STYX: variants seen among roughly 807,000 people sequenced by gnomAD.
STYX encodes serine/threonine/tyrosine-interacting protein.
Under a neutral mutation model 42.7 loss-of-function variants are expected in STYX, and 20 were observed. The observed-to-expected ratio is 0.47, with a 90% CI of 0.33 to 0.68. The LOEUF is 0.68. Ranked by LOEUF, STYX falls within the 30% of genes least tolerant of loss-of-function variation. The probability of loss-of-function intolerance (pLI) is 0.02; values close to 1 mark genes in which losing one functional copy is unlikely to be tolerated. For missense variants in STYX, 226 were observed against 268.5 expected, an observed-to-expected ratio of 0.84 and a Z score of 1.11; for synonymous variants, 78 against 81.9, an observed-to-expected ratio of 0.95 and a Z score of 0.26.
rs1305387788 is a variant in STYX at position 52,772,816 on chromosome 14, C to G, written c.*1710C>G. The G allele has an allele frequency of 1.3e-5, 2 of 151,818 alleles. No individual in the cohort carries two copies. Among genetic ancestry groups the G allele is most frequent in the African/African-American group, 4.8e-5 (2 of 41,282 alleles). The allele number at this position is 151,818 out of a possible 1,614,324, so 9.4% of individuals were successfully genotyped here. On this transcript the variant is annotated 3_prime_UTR_variant, in exon 11 of 11. Coordinates refer to ENST00000354586, the MANE Select transcript of STYX (RefSeq NM_145251.4). ...CTTCTGATTTCCCTCCCCTTCCCTT[C>G]TCTTATCTTACCACTGTGAAAACAG...
chr14:52,764,009 T>A (rs957837106), intron 9 of STYX, among the ~76,000 whole-genome samples: 3 of 152,208 alleles, frequency 2.0e-5, no homozygotes, highest in African/African-American at 7.2e-5. Flanking sequence ...GTTGTTGTTG[T>A]TGAGACAGAG....
At chr14:52,760,920 C>A (rs909873805) in intron 9 of STYX, among the ~76,000 whole-genome samples, 1 of 152,104 alleles carries the variant, frequency 6.6e-6, no homozygotes, top group Non-Finnish European at 1.5e-5. Flanking sequence ...TCCCCTCAAT[C>A]ATTTATCCTT....
chr14:52,749,015 C>T (rs1194159309), intron 3 of STYX, among the ~76,000 whole-genome samples: 1 of 152,224 alleles, frequency 6.6e-6, no homozygotes, highest in East Asian at 1.9e-4. Flanking sequence ...ATTATATTGT[C>T]TTAGCCCAGG....
In STYX at chr14:52,772,926, G is replaced by A. The variant is rs976670094; in HGVS notation, c.*1820G>A. On this transcript the variant is annotated 3_prime_UTR_variant, in exon 11 of 11. Transcript: ENST00000354586. ...CAGTGGTCTAGTGGAGTCAAGATTC[G>A]CATTGGGTTTTCTAAAATTCCAGTT... 1.3e-5 allele frequency: 2 copies of A among 151,780 alleles called. No individual in the cohort carries two copies. The highest frequency in any genetic ancestry group is 6.6e-5 in the Admixed American group (1 of 15,206). The allele number at this position is 151,780 out of a possible 1,614,324, so 9.4% of individuals were successfully genotyped here.
At chr14:52,742,260 C>G (rs773045281) in intron 1 of STYX, among the ~76,000 whole-genome samples, 21 of 152,174 alleles carry the variant, frequency 1.4e-4, no homozygotes, top group Non-Finnish European at 2.6e-4. Flanking sequence ...GTTTTTCTTT[C>G]TTTCCCTAGT....
Position 52,757,321 on chromosome 14 carries a change from T to C in STYX, c.306T>C (p.Thr102=), listed in dbSNP as rs1235258281. Residue 102 remains threonine, a splice_region_variant and synonymous_variant, in exon 6 of 11, where the codon ACT becomes ACC. Coordinates refer to ENST00000354586, the MANE Select transcript of STYX (RefSeq NM_145251.4). Reference sequence around the variant, plus strand: ...ATCCACATGTCTTTTGCCTCCAGACTAAGGAATTTATTGATGGGAGCTTAC... The same window carrying C: ...ATCCACATGTCTTTTGCCTCCAGACCAAGGAATTTATTGATGGGAGCTTAC... ...VENIIRFFPM[T]KEFIDGSLQM... is the part of the protein sequence containing the mutation. 1.2e-6 allele frequency: 2 copies of C among 1,606,716 alleles called. No individual in the cohort carries two copies. The highest frequency in any genetic ancestry group is 1.7e-5 in the Admixed American group (1 of 59,674).
In STYX at chr14:52,747,252, A is replaced by G. The variant is rs140262860; in HGVS notation, c.144+773A>G. ...GTTCTTGCCACTTCTAAAAGATTCA[A>G]TGCTACTAATTCTCTTTGAGTTACA... On this transcript the variant is annotated intron_variant, in intron 3 of 10. Transcript: ENST00000354586. 4.3e-3 allele frequency among the ~76,000 whole-genome samples: 661 copies of G among 152,350 alleles called. 13 individuals are homozygous for G. Among genetic ancestry groups the G allele is most frequent in the Admixed American group, 0.032 (486 of 15,302 alleles).
At chr14:52,736,034 A>T (rs1272222142) in intron 1 of STYX, among the ~76,000 whole-genome samples, 1 of 151,804 alleles carries the variant, frequency 6.6e-6, no homozygotes, top group Non-Finnish European at 1.5e-5. Context: ...ATTATGAGCT[A>T]CTCTTCTTGC....
At chr14:52,749,005 A>G (rs752400713) in intron 3 of STYX, among the ~76,000 whole-genome samples, 16 of 152,256 alleles carry the variant, frequency 1.1e-4, no homozygotes, top group Non-Finnish European at 2.2e-4. Context: ...AAACTTGCAA[A>G]TTATATTGTC....
Position 52,771,514 on chromosome 14 carries a change from T to C in STYX, c.*408T>C, listed in dbSNP as rs1882511369. ...AGTTTGGGTAATTTATAACAAAATTTGCTAAGGTTTGCTAAAAATTCATTT... is the reference window on the plus strand; with the variant it reads ...AGTTTGGGTAATTTATAACAAAATTCGCTAAGGTTTGCTAAAAATTCATTT... On this transcript the variant is annotated 3_prime_UTR_variant, in exon 11 of 11. Transcript: ENST00000354586. 6.5e-6 allele frequency: 1 copy of C among 154,156 alleles called. No homozygotes were observed. Among genetic ancestry groups the C allele is most frequent in the Admixed American group, 6.5e-5 (1 of 15,316 alleles). The allele number at this position is 154,156 out of a possible 1,614,324, so 9.5% of individuals were successfully genotyped here.
chr14:52,739,726 C>T (rs182590176), intron 1 of STYX, among the ~76,000 whole-genome samples: 22 of 147,560 alleles, frequency 1.5e-4, no homozygotes, highest in African/African-American at 4.8e-4. Context: ...ACTGCAGCCT[C>T]GACCTCCCAA....
intron 4 of STYX, among the ~76,000 whole-genome samples, chr14:52,755,334 G>T (rs1881821246): frequency 6.6e-6 from 1 of 151,930 alleles, no homozygotes; most frequent in South Asian, 2.1e-4. Context: ...TGTTGGCCAG[G>T]ATGGTCTTGA....
At chr14:52,753,577 C>T (rs1317899624) in intron 4 of STYX, among the ~76,000 whole-genome samples, 1 of 152,096 alleles carries the variant, frequency 6.6e-6, no homozygotes, top group African/African-American at 2.4e-5. Flanking sequence ...TGCTCAAGTC[C>T]CTTATATAAA....
At position 52,768,849 on chromosome 14, in the gene STYX, GCCATCTA is replaced by G. The variant is rs1262603379; in HGVS notation, c.517_523del (p.Ile173Ter). The G allele has an allele frequency of 6.4e-7, 1 of 1,574,652 alleles. No homozygotes were observed. The highest frequency in any genetic ancestry group is 8.6e-7 in the Non-Finnish European group (1 of 1,163,874). On this transcript the variant is annotated frameshift_variant, in exon 10 of 11. Transcript: ENST00000354586. LOFTEE classifies it high-confidence loss of function. ...CTTATTTTTTTTTTAGGAATATGAA[GCCATCTA>G]CCTAGCAAAATTAACAATACAGATG...
At chr14:52,732,095 T>G (rs368618596) in intron 1 of STYX, among the ~76,000 whole-genome samples, 1 of 94,468 alleles carries the variant, frequency 1.1e-5, no homozygotes, top group South Asian at 3.3e-4. Flanking sequence ...CTCATGGTTT[T>G]TTTTTTTTTT....
In STYX at chr14:52,730,505, C is replaced by T. The variant is rs1365043872; in HGVS notation, c.31C>T (p.Leu11Phe). The T allele has an allele frequency of 1.2e-6, 2 of 1,613,748 alleles. No homozygotes were observed. The highest frequency in any genetic ancestry group is 1.7e-5 in the Admixed American group (1 of 59,982). ...GGACGTGAAGCTGGAGTTCCCTTCC[C>T]TTCCACAGTGCAAGGAAGACGCCGA... MEDVKLEFPS[L>F]PQCKEDAEEW... Residue 11 changes from leucine to phenylalanine, a missense_variant, in exon 1 of 11, where the codon CTT (leucine) becomes TTT (phenylalanine). Leu to Phe is a conservative substitution (Grantham distance 22, BLOSUM62 0). Transcript: ENST00000354586.
intron 9 of STYX, among the ~76,000 whole-genome samples, chr14:52,762,969 T>C (rs867758933): frequency 1.2e-4 from 16 of 133,340 alleles, no homozygotes; most frequent in Non-Finnish European, 7.8e-5. Flanking sequence ...CTCAACTCAC[T>C]GCAACCTCTG....
Position 52,730,471 on chromosome 14 carries a change from C to T in STYX, c.-4C>T, listed in dbSNP as rs747042247. The T allele has an allele frequency of 6.2e-7, 1 of 1,613,566 alleles. No individual in the cohort carries two copies. Among genetic ancestry groups the T allele is most frequent in the South Asian group, 1.1e-5 (1 of 90,946 alleles). Reference sequence around the variant, plus strand: ...CCCCACCCACCAGCCCGCGGGCCAGCACCATGGAGGACGTGAAGCTGGAGT... The same window carrying T: ...CCCCACCCACCAGCCCGCGGGCCAGTACCATGGAGGACGTGAAGCTGGAGT... On this transcript the variant is annotated 5_prime_UTR_variant, in exon 1 of 11. Coordinates refer to ENST00000354586, the MANE Select transcript of STYX (RefSeq NM_145251.4).
chr14:52,737,790 G>A (rs1160854108), intron 1 of STYX, among the ~76,000 whole-genome samples: 2 of 151,964 alleles, frequency 1.3e-5, no homozygotes, highest in Non-Finnish European at 2.9e-5. Context: ...AGACAGGCAG[G>A]GTTTTTTTGT....
Sources: allele counts gnomAD v4.1 joint callset (sites outside exome capture counted in the v4.1 genomes callset), GRCh38; gene constraint gnomAD v4.1.1; transcripts MANE v1.5; gene names NCBI Gene and HGNC (gene_info 2026-07-23, HGNC 2026-07-21).